Variants in BRAF observed in about 807,000 individuals in gnomAD.
BRAF encodes the protein B-Raf proto-oncogene, serine/threonine kinase.
A neutral mutation model predicts 104.6 loss-of-function variants in BRAF; 16 were observed. The observed-to-expected ratio is 0.15, with a 90% CI of 0.10 to 0.23. BRAF has a LOEUF of 0.23. BRAF is among the 10% of genes least tolerant of loss of function. The pLI, the probability that BRAF is intolerant of heterozygous loss-of-function variation, is 1.00. For synonymous variants in BRAF, 310 were observed against 341.6 expected (o/e 0.91, Z 1.02); for missense variants, 541 against 937.3 (o/e 0.58, Z 5.52).
chr7:140,892,256 A>C (rs1031777871), intron 1 of BRAF, among the ~76,000 whole-genome samples: 1 of 141,808 alleles, frequency 7.1e-6, no homozygotes, highest in Non-Finnish European at 1.6e-5. Context: ...AATCTGTGTC[A>C]AAAAAAAAAA....
intron 1 of BRAF, among the ~76,000 whole-genome samples, chr7:140,855,888 C>T (rs976430701): frequency 1.2e-4 from 18 of 151,264 alleles, no homozygotes; most frequent in African/African-American, 4.4e-4. Context: ...GGTGTGGGTG[C>T]GTGCCTGTAG....
chr7:140,833,596 G>A (rs769556748), intron 3 of BRAF, among the ~76,000 whole-genome samples: 1 of 152,132 alleles, frequency 6.6e-6, no homozygotes, highest in East Asian at 1.9e-4. Context: ...GGTAGAACTG[G>A]ATTTGTTTTA....
intron 1 of BRAF, among the ~76,000 whole-genome samples, chr7:140,880,032 G>A (rs1812719963): frequency 2.0e-5 from 3 of 151,984 alleles, no homozygotes; most frequent in South Asian, 2.1e-4. Context: ...GTGCCCGGCC[G>A]GCAATTTCTT....
intron 1 of BRAF, among the ~76,000 whole-genome samples, chr7:140,922,596 C>G (rs1818346863): frequency 6.6e-6 from 1 of 152,130 alleles, no homozygotes; most frequent in Non-Finnish European, 1.5e-5. Flanking sequence ...AGTCTTCAAA[C>G]AAGATACAAT....
At chr7:140,798,272 C>CTTTTTTTTTTTTTTTTTTTTTTT (rs10525418) in intron 7 of BRAF, among the ~76,000 whole-genome samples, 7 of 115,610 alleles carry the variant, frequency 6.1e-5, no homozygotes, top group Non-Finnish European at 5.0e-5. Context: ...CTTTTTTTTT[C>CTTTTTTTTTTTTTTTTTTTTTTT]TTTTTTTTGA....
intron 10 of BRAF, among the ~76,000 whole-genome samples, chr7:140,784,807 G>C (rs1364674492): frequency 6.6e-6 from 1 of 152,050 alleles, no homozygotes; most frequent in Non-Finnish European, 1.5e-5. Flanking sequence ...ATCATGCCTA[G>C]CTAATTTTTT....
At chr7:140,755,282 C>A (rs996592044) in intron 14 of BRAF, among the ~76,000 whole-genome samples, 4 of 152,010 alleles carry the variant, frequency 2.6e-5, no homozygotes, top group African/African-American at 9.7e-5. Context: ...AATTGAATAC[C>A]GGAGAGAATA....
chr7:140,757,567 C>T lies in BRAF; in HGVS notation c.1815-3334G>A, dbSNP rs562094953. The stretch of plus-strand genomic sequence containing the variant: ...CCTTCCAAAGTGCTGGGATTACAGG[C>T]GTGAGCCACCACGCCCAGCCTTAGG... On this transcript the variant is annotated intron_variant, in intron 14 of 19. Transcript: ENST00000644969. 7.2e-5 allele frequency among the ~76,000 whole-genome samples: 11 copies of T among 152,326 alleles called. No homozygotes were observed. In the South Asian group the frequency reaches 1.0e-3, roughly 14 times the overall value.
chr7:140,886,622 T>G (rs1288328261), intron 1 of BRAF, among the ~76,000 whole-genome samples: 1 of 152,210 alleles, frequency 6.6e-6, no homozygotes, highest in Non-Finnish European at 1.5e-5. Context: ...TAAGCACAGC[T>G]TCTTCAGATA....
intron 1 of BRAF, among the ~76,000 whole-genome samples, chr7:140,878,417 ATTC>A (rs1038067608): frequency 1.1e-4 from 16 of 152,342 alleles, no homozygotes; most frequent in East Asian, 7.7e-4. Context: ...CTGACAAATC[ATTC>A]TTCAACAAAA....
At chr7:140,758,556 G>C (rs1798392736) in intron 14 of BRAF, among the ~76,000 whole-genome samples, 1 of 151,860 alleles carries the variant, frequency 6.6e-6, no homozygotes, top group Non-Finnish European at 1.5e-5. Context: ...CTGGGCTCAA[G>C]AGATCCACCC....
intron 14 of BRAF, among the ~76,000 whole-genome samples, chr7:140,756,377 G>A (rs1401858998): frequency 2.6e-5 from 4 of 152,122 alleles, no homozygotes; most frequent in Admixed American, 2.6e-4. Flanking sequence ...TGAAAGGCTG[G>A]AAGGAAAAGG....
intron 16 of BRAF, 24 bp from the exon 16 acceptor site, chr7:140,749,442 T>C (rs773232782): frequency 1.2e-6 from 2 of 1,610,678 alleles, no homozygotes; most frequent in African/African-American, 2.7e-5. Flanking sequence ...CAAAGAAAAA[T>C]ATTCTTCACT....
intron 1 of BRAF, among the ~76,000 whole-genome samples, chr7:140,910,264 T>C (rs1180859875): frequency 6.6e-6 from 1 of 152,236 alleles, no homozygotes; most frequent in Non-Finnish European, 1.5e-5. Context: ...ACTCCAATTC[T>C]TTGCAAATTC....
At chr7:140,767,920 T>G (rs1799483572) in intron 14 of BRAF, among the ~76,000 whole-genome samples, 1 of 152,214 alleles carries the variant, frequency 6.6e-6, no homozygotes. Context: ...ATATCATTGC[T>G]AAATACATTA....
rs577092706 is a variant in BRAF, at chr7:140,762,761, G to A, written c.1815-8528C>T. 3.6e-3 allele frequency among the ~76,000 whole-genome samples: 546 copies of A among 152,220 alleles called. 3 individuals carry two copies. The highest frequency in any genetic ancestry group is 6.8e-3 in the Middle Eastern group (2 of 294). ...TAGGCAGAGGACCCTGCGGCCTTCC[G>A]CAGTGTTTGTGTTCCTGGGTACTTG... On this transcript the variant is annotated intron_variant, in intron 14 of 19. Coordinates refer to ENST00000644969, the MANE Select transcript of BRAF (RefSeq NM_001374258.1).
intron 7 of BRAF, among the ~76,000 whole-genome samples, chr7:140,798,262 C>CTTTTTTTTTTTTTTTTTTTTT (rs1025673669): frequency 3.1e-5 from 1 of 32,620 alleles, no homozygotes; most frequent in African/African-American, 1.9e-4. Context: ...TGTATGGGGA[C>CTTTTTTTTTTTTTTTTTTTTT]TTTTTTTTTC....
rs2129018212 is a variant in BRAF at position 140,776,934 on chromosome 7, G to A, written c.1792C>T (p.Arg598Ter). The A allele has an allele frequency of 6.2e-7, 1 of 1,613,064 alleles. No individual in the cohort carries two copies. ...TACTCCATGCCCTGTGCAGTCTGTC[G>A]TGCAATATCTATAAGTTTGATCATC... ...FEMIKLIDIARQTAQGMDYLH... is the reference protein window; with the variant it reads ...FEMIKLIDIA Residue 598 changes from arginine (R) to a stop codon, truncating the protein, a stop_gained, in exon 14 of 20, where the codon CGA (arginine) becomes TGA (stop). Transcript: ENST00000644969. LOFTEE classifies it high-confidence loss of function.
Position 140,721,559 on chromosome 7 carries a change from A to T in BRAF, c.*4935T>A. On this transcript the variant is annotated 3_prime_UTR_variant, in exon 20 of 20. Transcript: ENST00000644969. The stretch of plus-strand genomic sequence containing the variant: ...TATTTTTAATTTTACCAGAGCTAGC[A>T]ACATGGACCACAGATATACTGGTGA... The T allele has an allele frequency of 6.7e-7, 1 of 1,494,752 alleles. No homozygotes were observed. The allele number at this position is 1,494,752 out of a possible 1,614,324, so 92.6% of individuals were successfully genotyped here.
Sources: gnomAD v4.1 joint callset for allele counts (sites outside exome capture counted in the v4.1 genomes callset) on GRCh38, gnomAD v4.1.1 for gene constraint, MANE v1.5 for transcripts, NCBI Gene and HGNC (gene_info 2026-07-23, HGNC 2026-07-21) for gene names.